The following PCGF2 variants were observed in gnomAD, a reference collection of about 807,000 sequenced individuals.
PCGF2 encodes polycomb group RING finger protein 2.
PCGF2 carries 8 observed loss-of-function variants against 36.1 expected under a neutral mutation model. The ratio of observed to expected loss-of-function variants is 0.22; its 90% CI spans 0.13 to 0.40. The LOEUF is 0.40. Among genes scored for constraint, PCGF2 ranks in the 10% least tolerant of loss-of-function variants. The pLI, the probability that PCGF2 is intolerant of heterozygous loss-of-function variation, is 1.00. For missense variants in PCGF2, 436 were observed against 475.9 expected, an observed-to-expected ratio of 0.92 and a Z score of 0.78; for synonymous variants, 198 against 191.2, an observed-to-expected ratio of 1.04 and a Z score of -0.29.
Position 38,735,410 on chromosome 17 carries a change from G to T in PCGF2, c.848C>A (p.Ser283Tyr). Residue 283 changes from serine (S) to tyrosine (Y), a missense_variant, in exon 11 of 11, where the codon TCC becomes TAC. Coordinates refer to ENST00000620225, the MANE Select transcript of PCGF2 (RefSeq NM_007144.3). ...CCCATGGGAACTGGGAGAGCCATGG[G>T]ATGGGGTGGCTGGGCTGGGCAGGGA... is the stretch of plus-strand genomic sequence containing the variant. ...SSSLPSPATP[S>Y]HGSPSSHGPP... 6.4e-7 allele frequency: 1 copy of T among 1,574,094 alleles called. No individual in the cohort carries two copies. Among genetic ancestry groups the T allele is most frequent in the Non-Finnish European group, 8.6e-7 (1 of 1,159,206 alleles).
Position 38,735,541 on chromosome 17 carries a change from G to GGCTAGA in PCGF2, c.716_717insTCTAGC (p.Leu238_Ala239dup). ...TGCCCTCGGAGGGGGTGGGCACCGT[G>GGCTAGA]GCTAGGGTGAGCCGCTTGCAGGCTG... is the stretch of plus-strand genomic sequence containing the variant. On this transcript the variant is annotated inframe_insertion, in exon 11 of 11. Coordinates refer to ENST00000620225, the MANE Select transcript of PCGF2 (RefSeq NM_007144.3). The GGCTAGA allele has an allele frequency of 5.0e-6, 8 of 1,588,566 alleles. No homozygotes were observed. The highest frequency in any genetic ancestry group is 6.9e-6 in the Non-Finnish European group (8 of 1,167,224).
rs374299797 is a variant in PCGF2, at chr17:38,739,300, G to A, written c.210-47C>T. 4.1e-5 allele frequency: 64 copies of A among 1,548,138 alleles called. No homozygotes were observed. The highest frequency in any genetic ancestry group is 5.2e-5 in the Non-Finnish European group (58 of 1,120,966). The stretch of plus-strand genomic sequence containing the variant: ...TTATCAGCAATGCCTTCTCCAGAGC[G>A]CTCCGACCTCGCCCTGCTCTCCCAG... On this transcript the variant is annotated intron_variant, in intron 4 of 10. Coordinates refer to ENST00000620225, the MANE Select transcript of PCGF2 (RefSeq NM_007144.3). The surrounding 1 kb of genome is among the most constrained non-coding windows in gnomAD (Gnocchi z 4.0).
At chr17:38,747,607 G>T (rs904873279) in intron 2 of PCGF2, among the ~76,000 whole-genome samples, 18 of 152,022 alleles carry the variant, frequency 1.2e-4, no homozygotes, top group Admixed American at 3.9e-4. Flanking sequence ...GGGACCGGCG[G>T]GGGGAGGTGC....
At position 38,740,461 on chromosome 17, in the gene PCGF2, A is replaced by T. The variant is rs922066454; in HGVS notation, c.-40-19T>A. 11 of 1,524,628 alleles carry T rather than the reference A, an allele frequency of 7.2e-6. No homozygotes were observed. The highest frequency in any genetic ancestry group is 1.8e-5 in the Admixed American group (1 of 55,756). The allele number at this position is 1,524,628 out of a possible 1,614,324, so 94.4% of individuals were successfully genotyped here. A position where few individuals can be genotyped will look rare whatever the true frequency, so the allele number is the denominator to read the frequency against. On this transcript the variant is annotated intron_variant, in intron 2 of 10. Coordinates refer to ENST00000620225, the MANE Select transcript of PCGF2 (RefSeq NM_007144.3). Reference sequence around the variant, plus strand: ...CGTTGCCCTGGGAAACGGAAGTGGAATCAGAAACCCAGAGTTGGCCGGGCG... The same window carrying T: ...CGTTGCCCTGGGAAACGGAAGTGGATTCAGAAACCCAGAGTTGGCCGGGCG...
chr17:38,737,055 C>T (rs1177648422), intron 9 of PCGF2, among the ~76,000 whole-genome samples: 2 of 151,774 alleles, frequency 1.3e-5, no homozygotes, highest in Non-Finnish European at 2.9e-5. Context: ...CGCTTGAGCC[C>T]GGGGGGTCAG....
In PCGF2 at chr17:38,741,627, A is replaced by C. The variant is rs72819706; in HGVS notation, c.-40-1185T>G. ...CTGCATCCAGCCTAAGCTTTGGAGCACCTCCCTCCTCTAAAGTCTGCCAAA... is the reference window on the plus strand; with the variant it reads ...CTGCATCCAGCCTAAGCTTTGGAGCCCCTCCCTCCTCTAAAGTCTGCCAAA... On this transcript the variant is annotated intron_variant, in intron 2 of 10. Transcript: ENST00000620225. 5.5e-3 allele frequency among the ~76,000 whole-genome samples: 833 copies of C among 152,018 alleles called. 4 individuals carry two copies. The highest frequency in any genetic ancestry group is 9.8e-3 in the Non-Finnish European group (669 of 67,968).
Position 38,739,360 on chromosome 17 carries a change from C to T in PCGF2, c.210-107G>A, listed in dbSNP as rs1907018069. On this transcript the variant is annotated intron_variant, in intron 4 of 10. Coordinates refer to ENST00000620225, the MANE Select transcript of PCGF2 (RefSeq NM_007144.3). This position sits in a 1 kb window ranked among gnomAD's most constrained non-coding sequence, Gnocchi z 4.0. ...CCCTCTTCCCACCCCCTTCCTGAGA[C>T]CGGTGCCCAGGCATTAGGATCCCTG... is the stretch of plus-strand genomic sequence containing the variant. 2 of 1,083,214 alleles carry T rather than the reference C, an allele frequency of 1.8e-6. No homozygotes were observed. Among genetic ancestry groups the T allele is most frequent in the African/African-American group, 1.6e-5 (1 of 64,420 alleles). The allele number at this position is 1,083,214 out of a possible 1,614,324, so 67.1% of individuals were successfully genotyped here.
Position 38,739,701 on chromosome 17 carries a change from G to A in PCGF2, c.113-19C>T, listed in dbSNP as rs553321750. On this transcript the variant is annotated intron_variant, in intron 3 of 10. Coordinates refer to ENST00000620225, the MANE Select transcript of PCGF2 (RefSeq NM_007144.3). This position sits in a 1 kb window ranked among gnomAD's most constrained non-coding sequence, Gnocchi z 4.0. ...TTGCAGACTTGGGGGTGTGGAGAGAGAGAGGAGAGTCAGAGCCAACTTCCA... is the reference window on the plus strand; with the variant it reads ...TTGCAGACTTGGGGGTGTGGAGAGAAAGAGGAGAGTCAGAGCCAACTTCCA... 1.1e-4 allele frequency: 169 copies of A among 1,599,764 alleles called. 4 individuals are homozygous for A. The South Asian group carries it at 1.7e-3, about 16-fold the overall frequency.
chr17:38,735,608 G>T lies in PCGF2; in HGVS notation c.658-8C>A. On this transcript the variant is annotated splice_region_variant and splice_polypyrimidine_tract_variant and intron_variant, in intron 10 of 10. Coordinates refer to ENST00000620225, the MANE Select transcript of PCGF2 (RefSeq NM_007144.3). ...GAGGGGGAGAGGCCCGTTCTGCGGG[G>T]AGAGTGGGGAGGAGAGACACAGGGA... is the stretch of plus-strand genomic sequence containing the variant. The T allele has an allele frequency of 6.5e-7, 1 of 1,549,632 alleles. No individual in the cohort carries two copies. Among genetic ancestry groups the T allele is most frequent in the East Asian group, 2.3e-5 (1 of 43,078 alleles).
At position 38,735,362 on chromosome 17, in the gene PCGF2, G is replaced by C. The variant is rs1376280131; in HGVS notation, c.896C>G (p.Ser299Cys). 6.4e-7 allele frequency: 1 copy of C among 1,561,958 alleles called. No homozygotes were observed. Among genetic ancestry groups the C allele is most frequent in the African/African-American group, 1.4e-5 (1 of 73,882 alleles). Residue 299 changes from serine (S) to cysteine (C), a missense_variant, in exon 11 of 11, where the codon TCC becomes TGC. Transcript: ENST00000620225. ...ACTGGCTGTCGAAGGGGGAGTGGGG[G>C]AGGTAGGGTGGGTGGCTGGAGGCCC... The part of the protein sequence containing the change: ...SHGPPATHPT[S>C]PTPPSTASGA...
At chr17:38,740,162 C>G in intron 3 of PCGF2, 129 bp downstream of exon 3, 1 of 769,138 alleles carries the variant, frequency 1.3e-6, no homozygotes, top group Non-Finnish European at 2.1e-6. Flanking sequence ...CCTAAGGATT[C>G]CCAGCAGACA....
At chr17:38,737,936 T>C (rs918085148) in intron 9 of PCGF2, among the ~76,000 whole-genome samples, 2 of 144,494 alleles carry the variant, frequency 1.4e-5, no homozygotes, top group African/African-American at 2.6e-5. Context: ...AAAGGAAATA[T>C]GGAATCTACT....
At chr17:38,746,026 G>GT (rs1350931112) in intron 2 of PCGF2, among the ~76,000 whole-genome samples, 1 of 152,074 alleles carries the variant, frequency 6.6e-6, no homozygotes, top group African/African-American at 2.4e-5. Context: ...GTTTGGGGCC[G>GT]TGAGGGTCTG....
chr17:38,735,009 T>C lies in PCGF2; in HGVS notation c.*214A>G, dbSNP rs921960266. The C allele has an allele frequency of 5.2e-6, 2 of 387,496 alleles. No individual in the cohort carries two copies. Among genetic ancestry groups the C allele is most frequent in the African/African-American group, 4.1e-5 (2 of 48,320 alleles). 24.0% of individuals were successfully genotyped at this position (387,496 alleles called of 1,614,324 possible). On this transcript the variant is annotated 3_prime_UTR_variant, in exon 11 of 11. Transcript: ENST00000620225. ...ACACACACACATAAAGTTTGTTTCC[T>C]GTGGCATTTAAATTAATCTGGTTGG...
intron 2 of PCGF2, among the ~76,000 whole-genome samples, chr17:38,747,408 T>C (rs1907606658): frequency 6.6e-6 from 1 of 152,138 alleles, no homozygotes; most frequent in Non-Finnish European, 1.5e-5. Flanking sequence ...CCATCCCCAT[T>C]CTACCCCCAG....
At position 38,739,167 on chromosome 17, in the gene PCGF2, G is replaced by A; in HGVS notation, c.265+31C>T. The A allele has an allele frequency of 6.2e-7, 1 of 1,613,932 alleles. No individual in the cohort carries two copies. The highest frequency in any genetic ancestry group is 8.5e-7 in the Non-Finnish European group (1 of 1,179,828). ...GACAGGGCCATGGGTTGGGAAATGG[G>A]GTCAGTGGAGGAGGAATGGAGTGCA... is the stretch of plus-strand genomic sequence containing the variant. On this transcript the variant is annotated intron_variant, in intron 5 of 10. Coordinates refer to ENST00000620225, the MANE Select transcript of PCGF2 (RefSeq NM_007144.3). This position sits in a 1 kb window ranked among gnomAD's most constrained non-coding sequence, Gnocchi z 4.0.
chr17:38,739,459 G>GC lies in PCGF2; in HGVS notation c.209+126dup, dbSNP rs1443831565. 4.4e-6 allele frequency: 4 copies of GC among 914,658 alleles called. No homozygotes were observed. In the African/African-American group the frequency reaches 6.5e-5, roughly 15 times the overall value. The allele number at this position is 914,658 out of a possible 1,614,324, so 56.7% of individuals were successfully genotyped here. ...AATGTAACCCCAAGGTCGGGGAGTA[G>GC]CCCAGGTCCACACCCCATGCTTCTC... On this transcript the variant is annotated intron_variant, in intron 4 of 10. Transcript: ENST00000620225. The surrounding 1 kb of genome is among the most constrained non-coding windows in gnomAD (Gnocchi z 4.0).
rs1449112873 is a variant in PCGF2, at chr17:38,738,814, TCTC to T, written c.361_363del (p.Glu121del). ...ATCTCATCATCACTCAGAGCCCCCT[TCTC>T]CTGCTCCAAGACCTCGCCGCGGTCC... On this transcript the variant is annotated inframe_deletion, in exon 7 of 11. Coordinates refer to ENST00000620225, the MANE Select transcript of PCGF2 (RefSeq NM_007144.3). The T allele has an allele frequency of 6.2e-6, 10 of 1,613,894 alleles. No homozygotes were observed. The Admixed American group carries it at 1.0e-4, about 16-fold the overall frequency.
upstream of PCGF2, among the ~76,000 whole-genome samples, chr17:38,748,590 C>T (rs970374378): frequency 6.6e-6 from 1 of 152,140 alleles, no homozygotes; most frequent in African/African-American, 2.4e-5. Flanking sequence ...CATGCGGCCG[C>T]CCCGACCCCG....
Sources: gnomAD v4.1 joint callset for allele counts (sites outside exome capture counted in the v4.1 genomes callset) on GRCh38, gnomAD v4.1.1 for gene constraint, Gnocchi (gnomAD v3.1) non-coding constraint, MANE v1.5 for transcripts, NCBI Gene and HGNC (gene_info 2026-07-23, HGNC 2026-07-21) for gene names.